GIT1: variants seen among roughly 807,000 people sequenced by gnomAD.
GIT1 encodes GIT ArfGAP 1.
In GIT1, 14 loss-of-function variants were observed where a neutral mutation model predicts 91.7. The ratio of observed to expected loss-of-function variants is 0.15; its 90% CI spans 0.10 to 0.24. The LOEUF is 0.24. Among genes scored for constraint, GIT1 ranks in the 10% least tolerant of loss-of-function variants. The pLI, the probability that GIT1 is intolerant of heterozygous loss-of-function variation, is 1.00. For synonymous variants in GIT1, 414 were observed against 418.2 expected (o/e 0.99, Z 0.12); for missense variants, 717 against 1,024.9 (o/e 0.70, Z 4.10).
At chr17:29,578,443 G>T in intron 8 of GIT1, 72 bp from the exon 9 acceptor site, 1 of 1,405,744 alleles carries the variant, frequency 7.1e-7, no homozygotes, top group Non-Finnish European at 1.0e-6. Flanking sequence ...TCCCCAGCAT[G>T]TTGTGAGCCT....
intron 4 of GIT1, 72 bp downstream of exon 4, chr17:29,582,626 G>A (rs190281080): frequency 1.9e-6 from 2 of 1,049,730 alleles, no homozygotes; most frequent in Non-Finnish European, 3.0e-6. Context: ...GGGGACAAAG[G>A]AGAGGCCTTC....
intron 4 of GIT1, 143 bp from the exon 5 acceptor site, chr17:29,582,287 C>G: frequency 1.6e-6 from 1 of 638,508 alleles, no homozygotes; most frequent in Non-Finnish European, 2.8e-6. Context: ...AGGACAGAGG[C>G]TTCCCGCTAG....
Position 29,581,338 on chromosome 17 carries a change from C to T in GIT1, c.761G>A (p.Ser254Asn), listed in dbSNP as rs763103915. The change falls in exon 7 of 20, where the codon AGC becomes AAC. Residue 254 changes from serine to asparagine, a missense_variant and splice_region_variant. Coordinates refer to ENST00000225394, the MANE Select transcript of GIT1 (RefSeq NM_014030.4). The surrounding 1 kb of genome is among the most constrained non-coding windows in gnomAD (Gnocchi z 4.8). ...GHYIIPQMAD[S>N]LDLSELAKAA... is the part of the protein sequence containing the mutation. ...AAAGGGGCATCAGGTGGGCACTCAC[C>T]TGTCAGCCATCTGTGGGATGATGTA... 2.5e-6 allele frequency: 4 copies of T among 1,611,120 alleles called. No homozygotes were observed. The highest frequency in any genetic ancestry group is 3.4e-6 in the Non-Finnish European group (4 of 1,177,690).
rs1182699913 is a variant in GIT1 at position 29,581,265 on chromosome 17, T to TG, written c.761+72dup. ...GGTCCTAGGCCTCTGAAACCTGGGC[T>TG]GGGAGCTCTGGGGGTCAGCCACCCA... On this transcript the variant is annotated intron_variant, in intron 7 of 19. Transcript: ENST00000225394. The surrounding 1 kb of genome is among the most constrained non-coding windows in gnomAD (Gnocchi z 4.8). The TG allele has an allele frequency of 9.0e-7, 1 of 1,115,144 alleles. No individual in the cohort carries two copies. The highest frequency in any genetic ancestry group is 1.4e-6 in the Non-Finnish European group (1 of 727,086). The allele number at this position is 1,115,144 out of a possible 1,614,324, so 69.1% of individuals were successfully genotyped here.
At position 29,577,514 on chromosome 17, in the gene GIT1, G is replaced by A. The variant is rs903407617; in HGVS notation, c.981+131C>T. 4.1e-6 allele frequency: 3 copies of A among 732,676 alleles called. No individual in the cohort carries two copies. The African/African-American group carries it at 5.2e-5, about 13-fold the overall frequency. 45.4% of individuals were successfully genotyped at this position (732,676 alleles called of 1,614,324 possible). A position where few individuals can be genotyped will look rare whatever the true frequency, so the allele number is the denominator to read the frequency against. Reference sequence around the variant, plus strand: ...AGCCTCCTGACCTTCCCAAATCCCAGTGCCAGCTGTGCCCTGAGGGAGGCC... The same window carrying A: ...AGCCTCCTGACCTTCCCAAATCCCAATGCCAGCTGTGCCCTGAGGGAGGCC... On this transcript the variant is annotated intron_variant, in intron 10 of 19. Transcript: ENST00000225394.
Position 29,589,628 on chromosome 17 carries a change from G to A in GIT1, c.-250C>T, listed in dbSNP as rs1251348244. On this transcript the variant is annotated 5_prime_UTR_variant, in exon 1 of 20. Coordinates refer to ENST00000225394, the MANE Select transcript of GIT1 (RefSeq NM_014030.4). This position sits in a 1 kb window ranked among gnomAD's most constrained non-coding sequence, Gnocchi z 5.2. ...CTCGCGGCTCCTCTCTCCGCCCCCTGCGCGGCTCCCGGCCGCTTCTGCAGG... is the reference window on the plus strand; with the variant it reads ...CTCGCGGCTCCTCTCTCCGCCCCCTACGCGGCTCCCGGCCGCTTCTGCAGG... 1 of 149,166 alleles carries A rather than the reference G, an allele frequency of 6.7e-6. No individual in the cohort carries two copies. Among genetic ancestry groups the A allele is most frequent in the African/African-American group, 2.4e-5 (1 of 40,980 alleles). The allele number at this position is 149,166 out of a possible 1,614,324, so 9.2% of individuals were successfully genotyped here.
At position 29,581,386 on chromosome 17, in the gene GIT1, C is replaced by T. The variant is rs766705850; in HGVS notation, c.719-6G>A. 1.5e-5 allele frequency: 24 copies of T among 1,611,564 alleles called. No individual in the cohort carries two copies. The South Asian group carries it at 2.6e-4, about 18-fold the overall frequency. On this transcript the variant is annotated splice_region_variant and splice_polypyrimidine_tract_variant and intron_variant, in intron 6 of 19. Transcript: ENST00000225394. This position sits in a 1 kb window ranked among gnomAD's most constrained non-coding sequence, Gnocchi z 4.8. Reference sequence around the variant, plus strand: ...GTAATGCCCATTCTTGTGATCTGAACAAAAATAAAAATGCCAAGTCACTCA... The same window carrying T: ...GTAATGCCCATTCTTGTGATCTGAATAAAAATAAAAATGCCAAGTCACTCA...
In GIT1 at chr17:29,583,605, C is replaced by A; in HGVS notation, c.64G>T (p.Ala22Ser). 1 of 1,593,570 alleles carries A rather than the reference C, an allele frequency of 6.3e-7. No homozygotes were observed. The highest frequency in any genetic ancestry group is 8.5e-7 in the Non-Finnish European group (1 of 1,171,552). ...ADCSAPDPGW[A>S]SISRGVLVCD... Reference sequence around the variant, plus strand: ...ACCAGCACACCCCTGCTGATGGATGCCCAGCCAGGGTCTGCCAGGGTGAGG... The same window carrying A: ...ACCAGCACACCCCTGCTGATGGATGACCAGCCAGGGTCTGCCAGGGTGAGG... The change falls in exon 2 of 20, where the codon GCA becomes TCA. Residue 22 changes from alanine to serine, a missense_variant. Ala to Ser is a moderately conservative substitution (Grantham distance 99). Around this residue, in one of 3 missense-constraint regions of GIT1, gnomAD observed 271 missense variants for 451.6 expected, o/e 0.60. Transcript: ENST00000225394.
At chr17:29,577,371 C>A in intron 10 of GIT1, 124 bp from the exon 11 acceptor site, 1 of 776,088 alleles carries the variant, frequency 1.3e-6, no homozygotes, top group East Asian at 2.6e-5. Context: ...GCGTCCCAGC[C>A]TAGCTTCACC....
chr17:29,584,257 GCT>G (rs1379018637), intron 1 of GIT1, among the ~76,000 whole-genome samples: 5 of 152,226 alleles, frequency 3.3e-5, no homozygotes, highest in African/African-American at 1.2e-4. Flanking sequence ...GGTAGGACAT[GCT>G]ACCTCTGTGA....
In GIT1 at chr17:29,575,795, G is replaced by T; in HGVS notation, c.1752+17C>A. 4.3e-6 allele frequency: 7 copies of T among 1,612,476 alleles called. No homozygotes were observed. Among genetic ancestry groups the T allele is most frequent in the Non-Finnish European group, 5.9e-6 (7 of 1,178,818 alleles). ...GGCCCCCAGCCACCCTGTGGGCACT[G>T]GGCATGGAAACATTACCGTGTGGCG... On this transcript the variant is annotated intron_variant, in intron 16 of 19. Transcript: ENST00000225394. This position sits in a 1 kb window ranked among gnomAD's most constrained non-coding sequence, Gnocchi z 5.5.
chr17:29,575,207 C>G lies in GIT1; in HGVS notation c.2010-65G>C. 1.3e-6 allele frequency: 2 copies of G among 1,554,502 alleles called. No homozygotes were observed. The highest frequency in any genetic ancestry group is 1.2e-5 in the South Asian group (1 of 84,990). On this transcript the variant is annotated intron_variant, in intron 18 of 19. Coordinates refer to ENST00000225394, the MANE Select transcript of GIT1 (RefSeq NM_014030.4). The surrounding 1 kb of genome is among the most constrained non-coding windows in gnomAD (Gnocchi z 5.5). Reference sequence around the variant, plus strand: ...AGGGAGGTTCCCAGGGACAGCAGAACCCAGGGCCCCTCATGCTCTCTGCAA... The same window carrying G: ...AGGGAGGTTCCCAGGGACAGCAGAAGCCAGGGCCCCTCATGCTCTCTGCAA...
chr17:29,577,671 G>C lies in GIT1; in HGVS notation c.955C>G (p.Pro319Ala). 1 of 1,612,002 alleles carries C rather than the reference G, an allele frequency of 6.2e-7. No individual in the cohort carries two copies. Among genetic ancestry groups the C allele is most frequent in the Non-Finnish European group, 8.5e-7 (1 of 1,178,346 alleles). Residue 319 changes from proline (P) to alanine (A), a missense_variant, in exon 10 of 20, where the codon CCG becomes GCG. This residue lies in a region of GIT1 where 271 missense variants were observed against 451.6 expected (regional missense o/e 0.60). Coordinates refer to ENST00000225394, the MANE Select transcript of GIT1 (RefSeq NM_014030.4). ...RSAVPFLPVN[P>A]EYSATRNQGR... ...TGATTCCGCGTGGCTGAGTATTCCG[G>C]GTTAACAGGCAGGAAGGGCACGGCA... is the stretch of plus-strand genomic sequence containing the variant.
At chr17:29,583,828 T>G in intron 1 of GIT1, 1 of 588,538 alleles carries the variant, frequency 1.7e-6, no homozygotes, top group Non-Finnish European at 3.0e-6. Context: ...CCATGCCCTT[T>G]CCTACATCCT....
intron 1 of GIT1, among the ~76,000 whole-genome samples, chr17:29,584,622 C>T (rs1196949739): frequency 6.6e-6 from 1 of 152,228 alleles, no homozygotes; most frequent in Non-Finnish European, 1.5e-5. Context: ...CGCCTCTCTC[C>T]CAGGACACTT....
intron 12 of GIT1, 74 bp from the exon 13 acceptor site, chr17:29,576,748 G>T: frequency 6.3e-7 from 1 of 1,592,022 alleles, no homozygotes; most frequent in Non-Finnish European, 8.6e-7. Flanking sequence ...AGTTATTGAG[G>T]CTAGGAGCAG....
chr17:29,576,113 T>A lies in GIT1; in HGVS notation c.1630A>T (p.Ile544Phe), dbSNP rs773055179. 9 of 1,613,622 alleles carry A rather than the reference T, an allele frequency of 5.6e-6. No individual in the cohort carries two copies. Among genetic ancestry groups the A allele is most frequent in the Non-Finnish European group, 7.6e-6 (9 of 1,179,944 alleles). Residue 544 changes from isoleucine to phenylalanine, a missense_variant, in exon 15 of 20, where the codon ATC becomes TTC. By Grantham distance (21) the Ile-to-Phe change is conservative (BLOSUM62 0). This residue lies in a region of GIT1 where 312 missense variants were observed against 349.5 expected (regional missense o/e 0.89). Coordinates refer to ENST00000225394, the MANE Select transcript of GIT1 (RefSeq NM_014030.4). The stretch of plus-strand genomic sequence containing the variant: ...CCAGCAGGGACGTGCACTGAATAGA[T>A]GGCGTCGTCCTCTAGCTCCTGGGGA... ...FHSTELEDDA[I>F]YSVHVPAGLY...
chr17:29,577,019 C>T, intron 11 of GIT1, 23 bp from the exon 12 acceptor site: 4 of 1,604,802 alleles, frequency 2.5e-6, no homozygotes, highest in Non-Finnish European at 3.4e-6. Context: ...GAGTGTCACT[C>T]AGGCCACACT....
rs199820269 is a variant in GIT1, at chr17:29,575,876, G to A, written c.1688C>T (p.Ser563Leu). Residue 563 changes from serine (S) to leucine (L), a missense_variant, in exon 16 of 20, where the codon TCA becomes TTA. This residue lies in a region of GIT1 where 312 missense variants were observed against 349.5 expected (regional missense o/e 0.89). Transcript: ENST00000225394. This position sits in a 1 kb window ranked among gnomAD's most constrained non-coding sequence, Gnocchi z 5.5. ...GGAGGAGGGAGTGAAGGGCACAGCT[G>A]AGGCAGACACCCCTTTCCGGATCTG... ...LYRIRKGVSA[S>L]AVPFTPSSPL... 3 of 1,610,546 alleles carry A rather than the reference G, an allele frequency of 1.9e-6. No homozygotes were observed. The highest frequency in any genetic ancestry group is 2.5e-6 in the Non-Finnish European group (3 of 1,178,380).
Sources: gnomAD v4.1 joint callset for allele counts (sites outside exome capture counted in the v4.1 genomes callset) on GRCh38, gnomAD v4.1.1 for gene constraint, gnomAD v4.1.1 regional missense constraint, Gnocchi (gnomAD v3.1) non-coding constraint, MANE v1.5 for transcripts, NCBI Gene and HGNC (gene_info 2026-07-23, HGNC 2026-07-21) for gene names.